The following FGD5 variants were observed in gnomAD, a reference collection of about 807,000 sequenced individuals.
FGD5 encodes FYVE, RhoGEF and PH domain containing 5.
Under a neutral mutation model 133.4 loss-of-function variants are expected in FGD5, and 28 were observed. The observed-to-expected ratio is 0.21, with a 90% CI of 0.16 to 0.29. FGD5 has a LOEUF of 0.29. Among genes scored for constraint, FGD5 ranks in the 10% least tolerant of loss-of-function variants. The pLI is 1.00. For synonymous variants in FGD5, 810 were observed against 776.5 expected, an observed-to-expected ratio of 1.04 and a Z score of -0.72; for missense variants, 1,858 against 1,895.2, an observed-to-expected ratio of 0.98 and a Z score of 0.36.
At chr3:14,864,669 C>G (rs1357954907) in intron 2 of FGD5, among the ~76,000 whole-genome samples, 3 of 152,156 alleles carry the variant, frequency 2.0e-5, no homozygotes, top group Non-Finnish European at 4.4e-5. Flanking sequence ...ATTTTGTGAA[C>G]TGAAAAGTTT....
chr3:14,830,930 T>A (rs2036695483), intron 1 of FGD5, among the ~76,000 whole-genome samples: 1 of 152,060 alleles, frequency 6.6e-6, no homozygotes, highest in South Asian at 2.1e-4. Context: ...GACTAGTAAG[T>A]GAACACGATA....
chr3:14,922,513 A>C lies in FGD5; in HGVS notation c.3772A>C (p.Thr1258Pro), dbSNP rs1575261463. 1 of 1,579,982 alleles carries C rather than the reference A, an allele frequency of 6.3e-7. No homozygotes were observed. Among genetic ancestry groups the C allele is most frequent in the Non-Finnish European group, 8.6e-7 (1 of 1,163,358 alleles). ...CMNCGCDFSLTLRRHHCHACG... is the reference protein window; with the variant it reads ...CMNCGCDFSLPLRRHHCHACG... ...GAACTGCGGCTGCGACTTCTCCCTC[A>C]CCCTGCGGCGTCATCACTGTCACGC... Residue 1258 changes from threonine (T) to proline (P), a missense_variant, in exon 15 of 20, where the codon ACC (threonine) becomes CCC (proline). By Grantham distance (38) the Thr-to-Pro change is conservative. Transcript: ENST00000285046. The surrounding 1 kb of genome is among the most constrained non-coding windows in gnomAD (Gnocchi z 4.1).
rs573978237 is a variant in FGD5 at position 14,917,205 on chromosome 3, C to G, written c.3406-44C>G. On this transcript the variant is annotated intron_variant, in intron 11 of 19. Coordinates refer to ENST00000285046, the MANE Select transcript of FGD5 (RefSeq NM_152536.4). This position sits in a 1 kb window ranked among gnomAD's most constrained non-coding sequence, Gnocchi z 4.1. ...CTTTGAGGACAGAAGCCTGGCGCAG[C>G]CTTCTGGGGCCAGGGTCCTCTCATA... is the stretch of plus-strand genomic sequence containing the variant. The G allele has an allele frequency of 4.2e-4, 655 of 1,553,108 alleles. 4 individuals carry two copies. The highest frequency in any genetic ancestry group is 5.4e-5 in the Non-Finnish European group (61 of 1,134,854).
chr3:14,879,618 C>T (rs2037787344), intron 2 of FGD5, among the ~76,000 whole-genome samples: 1 of 152,228 alleles, frequency 6.6e-6, no homozygotes, highest in Admixed American at 6.5e-5. Flanking sequence ...AAGAGAACTA[C>T]CATATGCTAA....
At chr3:14,919,510 C>T (rs906443695) in intron 13 of FGD5, among the ~76,000 whole-genome samples, 7 of 152,090 alleles carry the variant, frequency 4.6e-5, no homozygotes, top group African/African-American at 7.2e-5. Context: ...CGCAGCTACT[C>T]GGGAGGCTGA....
In FGD5 at chr3:14,819,219, C is replaced by A; in HGVS notation, c.148C>A (p.Pro50Thr). The A allele has an allele frequency of 1.3e-6, 2 of 1,548,234 alleles. No individual in the cohort carries two copies. The highest frequency in any genetic ancestry group is 1.7e-6 in the Non-Finnish European group (2 of 1,145,740). Residue 50 changes from proline (P) to threonine (T), a missense_variant, in exon 1 of 20, where the codon CCC becomes ACC. Pro to Thr is a conservative substitution (Grantham distance 38). Around this residue, in one of 3 missense-constraint regions of FGD5, gnomAD observed 1,824 missense variants for 1,848.9 expected, o/e 0.99. Coordinates refer to ENST00000285046, the MANE Select transcript of FGD5 (RefSeq NM_152536.4). The surrounding 1 kb of genome is among the most constrained non-coding windows in gnomAD (Gnocchi z 4.1). ...PCVDRGLDEGPRSIPKCSESE... is the reference protein window; with the variant it reads ...PCVDRGLDEGTRSIPKCSESE... Reference sequence around the variant, plus strand: ...TGTAGACAGGGGGCTTGATGAGGGGCCCCGGTCCATCCCAAAGTGCTCTGA... The same window carrying A: ...TGTAGACAGGGGGCTTGATGAGGGGACCCGGTCCATCCCAAAGTGCTCTGA...
intron 18 of FGD5, 121 bp from the exon 19 acceptor site, chr3:14,932,456 C>T (rs924884062): frequency 1.0e-5 from 12 of 1,178,382 alleles, no homozygotes; most frequent in Admixed American, 2.9e-5. Context: ...GTGGTGAGCC[C>T]GAAGGTGCCA....
chr3:14,859,163 C>G (rs1369309552), intron 1 of FGD5, among the ~76,000 whole-genome samples: 1 of 152,092 alleles, frequency 6.6e-6, no homozygotes, highest in East Asian at 1.9e-4. Flanking sequence ...TTATGGGGTA[C>G]AATGTGATGT....
intron 19 of FGD5, 46 bp downstream of exon 19, chr3:14,932,777 A>G (rs1342097305): frequency 5.0e-6 from 8 of 1,587,996 alleles, no homozygotes; most frequent in Non-Finnish European, 6.8e-6. Flanking sequence ...TTCTCTCAGA[A>G]GGCAACAAGT....
intron 1 of FGD5, among the ~76,000 whole-genome samples, chr3:14,848,002 A>G (rs1319684987): frequency 6.6e-6 from 1 of 152,084 alleles, no homozygotes; most frequent in Non-Finnish European, 1.5e-5. Flanking sequence ...GGCCAGCTGG[A>G]GCCCCGGGCC....
Position 14,819,459 on chromosome 3 carries a change from G to C in FGD5, c.388G>C (p.Ala130Pro). The C allele has an allele frequency of 6.4e-7, 1 of 1,551,072 alleles. No individual in the cohort carries two copies. The highest frequency in any genetic ancestry group is 8.7e-7 in the Non-Finnish European group (1 of 1,146,840). ...GGCCCCTGCTGCTCCGGGTGCAGGA[G>C]CGCTGAGCAGGGAGGGTGAGGAAGG... ...SVAPAAPGAGALSREGEEGTD... is the reference protein window; with the variant it reads ...SVAPAAPGAGPLSREGEEGTD... The change falls in exon 1 of 20, where the codon GCG becomes CCG. Residue 130 changes from alanine (A) to proline (P), a missense_variant. Physicochemically the swap from Ala to Pro is conservative, Grantham distance 27 (BLOSUM62 -1). Coordinates refer to ENST00000285046, the MANE Select transcript of FGD5 (RefSeq NM_152536.4). This position sits in a 1 kb window ranked among gnomAD's most constrained non-coding sequence, Gnocchi z 4.1.
Position 14,835,301 on chromosome 3 carries a change from C to A in FGD5, c.2525+13705C>A, listed in dbSNP as rs1443282390. On this transcript the variant is annotated intron_variant, in intron 1 of 19. Transcript: ENST00000285046. The stretch of plus-strand genomic sequence containing the variant: ...TCACCTGAGGTCAGGAGTTTGAGAC[C>A]AGCTGGGCCAACATGGTGATGCCCC... 2.6e-5 allele frequency among the ~76,000 whole-genome samples: 4 copies of A among 152,124 alleles called. No individual in the cohort carries two copies. In the East Asian group the frequency reaches 7.7e-4, roughly 29 times the overall value.
chr3:14,844,377 C>T (rs2037004487), intron 1 of FGD5, among the ~76,000 whole-genome samples: 1 of 148,988 alleles, frequency 6.7e-6, no homozygotes, highest in Non-Finnish European at 1.5e-5. Context: ...TCCCAGTTTC[C>T]CCCTTAGAGA....
intron 1 of FGD5, among the ~76,000 whole-genome samples, chr3:14,848,351 G>A (rs1236349603): frequency 1.3e-5 from 2 of 150,968 alleles, no homozygotes; most frequent in Non-Finnish European, 2.9e-5. Flanking sequence ...AGGCTTCTGG[G>A]AGCCATGGAA....
At chr3:14,837,227 C>T (rs776870145) in intron 1 of FGD5, among the ~76,000 whole-genome samples, 1 of 152,198 alleles carries the variant, frequency 6.6e-6, no homozygotes, top group African/African-American at 2.4e-5. Flanking sequence ...TCAGCCCTCA[C>T]TGAAACTATT....
chr3:14,877,085 C>A (rs1360219368), intron 2 of FGD5, among the ~76,000 whole-genome samples: 1 of 147,392 alleles, frequency 6.8e-6, no homozygotes, highest in Non-Finnish European at 1.5e-5. Context: ...GGCCTTGGCA[C>A]CCCCAGCCCC....
At position 14,933,245 on chromosome 3, in the gene FGD5, A is replaced by T. The variant is rs767544782; in HGVS notation, c.*78A>T. ...CTTTTAGAAGCTAAGCTGTGGCTCA[A>T]CTCATCCGGACACACACCTGGATTC... On this transcript the variant is annotated 3_prime_UTR_variant, in exon 20 of 20. Coordinates refer to ENST00000285046, the MANE Select transcript of FGD5 (RefSeq NM_152536.4). The T allele has an allele frequency of 6.6e-7, 1 of 1,505,704 alleles. No homozygotes were observed. 93.3% of individuals were successfully genotyped at this position (1,505,704 alleles called of 1,614,324 possible).
intron 17 of FGD5, 59 bp from the exon 18 acceptor site, chr3:14,926,011 C>T (rs2038795948): frequency 4.4e-6 from 7 of 1,602,226 alleles, no homozygotes; most frequent in Non-Finnish European, 6.0e-6. Context: ...GAATTGTGCT[C>T]TGTTTGAACT....
chr3:14,857,309 C>T (rs150060902), intron 1 of FGD5, among the ~76,000 whole-genome samples: 4 of 152,206 alleles, frequency 2.6e-5, no homozygotes, highest in Non-Finnish European at 5.9e-5. Context: ...AGGGATGAGC[C>T]ACTACATTCA....
Sources: gnomAD v4.1 joint callset for allele counts (sites outside exome capture counted in the v4.1 genomes callset) on GRCh38, gnomAD v4.1.1 for gene constraint, gnomAD v4.1.1 regional missense constraint, Gnocchi (gnomAD v3.1) non-coding constraint, MANE v1.5 for transcripts, NCBI Gene and HGNC (gene_info 2026-07-23, HGNC 2026-07-21) for gene names.